ERFL: variants seen among roughly 807,000 people sequenced by gnomAD.
The protein encoded by ERFL is ETS domain-containing transcription factor ERF-like.
A neutral mutation model predicts 27.9 loss-of-function variants in ERFL; 8 were observed. The ratio of observed to expected loss-of-function variants is 0.29; its 90% CI spans 0.17 to 0.52. The LOEUF (loss-of-function observed/expected upper bound fraction) is 0.52, where lower values mean the gene tolerates loss of function less well. Among genes scored for constraint, ERFL ranks in the 20% least tolerant of loss-of-function variants. ERFL has a pLI of 0.97. For synonymous variants in ERFL, 174 were observed against 202.8 expected, an observed-to-expected ratio of 0.86 and a Z score of 1.21; for missense variants, 294 against 444.4, an observed-to-expected ratio of 0.66 and a Z score of 3.04.
intron 1 of ERFL, chr19:41,923,369 G>C: frequency 2.3e-5 from 8 of 351,138 alleles, no homozygotes; most frequent in South Asian, 1.7e-4. Context: ...GAGAGAGTCA[G>C]AGAGCTGTAA....
chr19:41,914,929 G>A (rs1202648587), intron 1 of ERFL, among the ~76,000 whole-genome samples: 2 of 103,436 alleles, frequency 1.9e-5, no homozygotes, highest in Non-Finnish European at 3.9e-5. Flanking sequence ...CACCATCTCC[G>A]TCTCTGTCTC....
At chr19:41,915,468 C>T (rs974051624) in intron 1 of ERFL, among the ~76,000 whole-genome samples, 2 of 151,902 alleles carry the variant, frequency 1.3e-5, no homozygotes, top group Admixed American at 6.5e-5. Flanking sequence ...CACGTCGTCT[C>T]CACTTCTGTG....
intron 1 of ERFL, among the ~76,000 whole-genome samples, chr19:41,926,717 G>A (rs369473027): frequency 3.2e-4 from 49 of 152,260 alleles, no homozygotes; most frequent in Non-Finnish European, 4.3e-4. Context: ...CGGCCGGGAG[G>A]GGGGAGCGGG....
intron 1 of ERFL, among the ~76,000 whole-genome samples, chr19:41,913,477 C>A (rs1555851450): frequency 6.6e-6 from 1 of 151,644 alleles, no homozygotes; most frequent in Non-Finnish European, 1.5e-5. Flanking sequence ...CCAGCCCAGG[C>A]GCAGCCCTGA....
At chr19:41,926,449 T>C (rs1358561677) in intron 1 of ERFL, among the ~76,000 whole-genome samples, 2 of 151,822 alleles carry the variant, frequency 1.3e-5, no homozygotes, top group Admixed American at 1.3e-4. Flanking sequence ...TAGACAGGTG[T>C]GAAAGGTTAG....
chr19:41,927,198 G>A (rs1347226888), intron 1 of ERFL, among the ~76,000 whole-genome samples: 2 of 152,082 alleles, frequency 1.3e-5, no homozygotes, highest in African/African-American at 2.4e-5. Context: ...CCCAGCCAGG[G>A]GAGAGATAAC....
rs2074803333 is a variant in ERFL at position 41,916,649 on chromosome 19, GAC to G, written c.-13-3719_-13-3718del. On this transcript the variant is annotated intron_variant, in intron 1 of 5. Transcript: ENST00000597630. The surrounding 1 kb of genome is among the most constrained non-coding windows in gnomAD (Gnocchi z 5.4). ...ACTGAGACAACAGCACACAGAAACA[GAC>G]ACACAGTCACACAACCAAGCACCAC... Among the ~76,000 whole-genome samples, 1 of 151,750 alleles carries G rather than the reference GAC, an allele frequency of 6.6e-6. No homozygotes were observed. The highest frequency in any genetic ancestry group is 2.1e-4 in the South Asian group (1 of 4,796).
intron 1 of ERFL, among the ~76,000 whole-genome samples, chr19:41,919,945 C>A (rs1599678395): frequency 6.7e-6 from 1 of 148,436 alleles, no homozygotes; most frequent in Admixed American, 6.8e-5. Context: ...CATGATACGC[C>A]CAGACGTGAC....
chr19:41,910,603 C>T lies in ERFL; in HGVS notation c.68-506G>A, dbSNP rs2074746363. ...CCCCACTGACCCATCCTGGCATATC[C>T]AGGCTGCAGCTCTGTGCATGTCTGT... On this transcript the variant is annotated intron_variant, in intron 2 of 5. Coordinates refer to ENST00000597630, the MANE Select transcript of ERFL (RefSeq NM_001365103.2). This position sits in a 1 kb window ranked among gnomAD's most constrained non-coding sequence, Gnocchi z 4.4. Among the ~76,000 whole-genome samples the T allele has an allele frequency of 3.9e-5, 6 of 152,192 alleles. 1 individual carries two copies. Among genetic ancestry groups the T allele is most frequent in the Admixed American group, 3.9e-4 (6 of 15,280 alleles).
chr19:41,912,557 G>A (rs1249982759), intron 2 of ERFL, among the ~76,000 whole-genome samples: 2 of 152,206 alleles, frequency 1.3e-5, no homozygotes, highest in Non-Finnish European at 1.5e-5. Context: ...AGGCTGAGAC[G>A]TGCGTGGCAG....
At chr19:41,914,331 T>C (rs1195218606) in intron 1 of ERFL, among the ~76,000 whole-genome samples, 1 of 147,050 alleles carries the variant, frequency 6.8e-6, no homozygotes, top group East Asian at 2.1e-4. Flanking sequence ...CCCCCCACCA[T>C]CTCCCTTCCA....
At position 41,912,885 on chromosome 19, in the gene ERFL, G is replaced by A. The variant is rs2074762105; in HGVS notation, c.35C>T (p.Ala12Val). ...DCSCVSDLLF[A>V]PPALPALWTP... ...CCAGAGAGCCGGCAGGGCGGGCGGG[G>A]CGAAGAGAAGGTCGGAGACGCAGCT... The change falls in exon 2 of 6, where the codon GCC becomes GTC. Residue 12 changes from alanine (A) to valine (V), a missense_variant. Physicochemically the swap from Ala to Val is moderately conservative, Grantham distance 64. Around this residue, in one of 3 missense-constraint regions of ERFL, gnomAD observed 38 missense variants for 35.3 expected, o/e 1.08. Transcript: ENST00000597630. The A allele has an allele frequency of 4.1e-6, 5 of 1,231,414 alleles. No homozygotes were observed. The highest frequency in any genetic ancestry group is 4.2e-5 in the Admixed American group (1 of 23,702). 76.3% of individuals were successfully genotyped at this position (1,231,414 alleles called of 1,614,324 possible).
chr19:41,919,131 A>G (rs1283616621), intron 1 of ERFL, among the ~76,000 whole-genome samples: 1 of 151,730 alleles, frequency 6.6e-6, no homozygotes, highest in African/African-American at 2.4e-5. Flanking sequence ...CATCACCCAC[A>G]TACCACACAC....
At position 41,917,902 on chromosome 19, in the gene ERFL, G is replaced by A. The variant is rs782473099; in HGVS notation, c.-13-4970C>T. On this transcript the variant is annotated intron_variant, in intron 1 of 5. Coordinates refer to ENST00000597630, the MANE Select transcript of ERFL (RefSeq NM_001365103.2). The surrounding 1 kb of genome is among the most constrained non-coding windows in gnomAD (Gnocchi z 4.8). The stretch of plus-strand genomic sequence containing the variant: ...ACCCTGTCCCATCTGGGTGCACGAA[G>A]CCAGCTCCCCGCGGTCACACACTGT... Among the ~76,000 whole-genome samples the A allele has an allele frequency of 2.0e-5, 3 of 151,898 alleles. No individual in the cohort carries two copies. The highest frequency in any genetic ancestry group is 4.8e-5 in the African/African-American group (2 of 41,268).
Position 41,909,736 on chromosome 19 carries a change from G to A in ERFL, c.302+127C>T. 1 of 1,081,696 alleles carries A rather than the reference G, an allele frequency of 9.2e-7. No individual in the cohort carries two copies. Among genetic ancestry groups the A allele is most frequent in the South Asian group, 1.7e-5 (1 of 60,076 alleles). 67.0% of individuals were successfully genotyped at this position (1,081,696 alleles called of 1,614,324 possible). On this transcript the variant is annotated intron_variant, in intron 3 of 5. Transcript: ENST00000597630. This position sits in a 1 kb window ranked among gnomAD's most constrained non-coding sequence, Gnocchi z 5.2. ...CTTCCACTCACAAGTAGCGATGGTGGCTACTCACGCACAGCCCTGTGCCTT... is the reference window on the plus strand; with the variant it reads ...CTTCCACTCACAAGTAGCGATGGTGACTACTCACGCACAGCCCTGTGCCTT...
In ERFL at chr19:41,909,807, G is replaced by T; in HGVS notation, c.302+56C>A. 6.6e-7 allele frequency: 1 copy of T among 1,511,510 alleles called. No homozygotes were observed. The highest frequency in any genetic ancestry group is 8.9e-7 in the Non-Finnish European group (1 of 1,124,234). The allele number at this position is 1,511,510 out of a possible 1,614,324, so 93.6% of individuals were successfully genotyped here. On this transcript the variant is annotated intron_variant, in intron 3 of 5. Transcript: ENST00000597630. The surrounding 1 kb of genome is among the most constrained non-coding windows in gnomAD (Gnocchi z 5.2). ...GCCCCAGGATGCAGAGGGGGCACCAGAGGGACAGTTGGGGGAAAAGGACAA... is the reference window on the plus strand; with the variant it reads ...GCCCCAGGATGCAGAGGGGGCACCATAGGGACAGTTGGGGGAAAAGGACAA...
chr19:41,926,264 CA>C (rs2074869973), intron 1 of ERFL, among the ~76,000 whole-genome samples: 1 of 151,182 alleles, frequency 6.6e-6, no homozygotes, highest in Non-Finnish European at 1.5e-5. Context: ...GTGAGGGGGA[CA>C]AGTGTTACCT....
intron 1 of ERFL, among the ~76,000 whole-genome samples, chr19:41,913,862 C>A (rs971684488): frequency 2.0e-5 from 3 of 151,014 alleles, no homozygotes; most frequent in Non-Finnish European, 3.0e-5. Context: ...ACGCTGCCCT[C>A]GCGCTCCCGA....
At chr19:41,923,318 A>C (rs548106331) in intron 1 of ERFL, 60 of 382,280 alleles carry the variant, frequency 1.6e-4, no homozygotes, top group African/African-American at 1.2e-3. Flanking sequence ...AAGAGACAAG[A>C]CAAGGAGACA....
Sources: gnomAD v4.1 joint callset for allele counts (sites outside exome capture counted in the v4.1 genomes callset) on GRCh38, gnomAD v4.1.1 for gene constraint, gnomAD v4.1.1 regional missense constraint, Gnocchi (gnomAD v3.1) non-coding constraint, MANE v1.5 for transcripts, NCBI Gene and HGNC (gene_info 2026-07-23, HGNC 2026-07-21) for gene names.